PCDH15: variants seen among roughly 807,000 people sequenced by gnomAD.
PCDH15 encodes protocadherin related 15, also known as protocadherin-15.
PCDH15 carries 129 observed loss-of-function variants against 178.5 expected under a neutral mutation model. The observed-to-expected ratio is 0.72, with a 90% CI of 0.63 to 0.84. The LOEUF (loss-of-function observed/expected upper bound fraction) is 0.84, where lower values mean the gene tolerates loss of function less well. Ranked by LOEUF, PCDH15 falls within the 40% of genes least tolerant of loss-of-function variation. The pLI, the probability that PCDH15 is intolerant of heterozygous loss-of-function variation, is 0.00. For missense variants in PCDH15, 2,230 were observed against 2,099.9 expected, an observed-to-expected ratio of 1.06 and a Z score of -1.21; for synonymous variants, 800 against 732.0, an observed-to-expected ratio of 1.09 and a Z score of -1.50.
At chr10:55,122,547 T>G (rs80285712) in intron 2 of PCDH15, among the ~76,000 whole-genome samples, 1 of 152,122 alleles carries the variant, frequency 6.6e-6, no homozygotes, top group African/African-American at 2.4e-5. Context: ...GCATGTAAGA[T>G]AGAAATGAGA....
chr10:54,168,176 A>G lies in PCDH15; in HGVS notation c.1591-14883T>C, dbSNP rs566750510. The stretch of plus-strand genomic sequence containing the variant: ...CGACAGTAGTTCCAAATAGCCAGAA[A>G]ATGGCACTTTGAATTTTTCCATCCT... On this transcript the variant is annotated intron_variant, in intron 13 of 37. Transcript: ENST00000644397. 6.1e-3 allele frequency among the ~76,000 whole-genome samples: 921 copies of G among 152,148 alleles called. 5 individuals are homozygous for G. Among genetic ancestry groups the G allele is most frequent in the African/African-American group, 0.021 (852 of 41,514 alleles).
At chr10:55,122,284 C>T (rs1285419474) in intron 2 of PCDH15, among the ~76,000 whole-genome samples, 1 of 152,030 alleles carries the variant, frequency 6.6e-6, no homozygotes, top group Non-Finnish European at 1.5e-5. Context: ...AAAAGACTTT[C>T]CAGAAGTATG....
At chr10:54,982,959 G>A (rs1839277194) in intron 2 of PCDH15, among the ~76,000 whole-genome samples, 1 of 151,984 alleles carries the variant, frequency 6.6e-6, no homozygotes, top group East Asian at 1.9e-4. Flanking sequence ...AACAGCTTGA[G>A]TAATTTGACC....
intron 2 of PCDH15, among the ~76,000 whole-genome samples, chr10:55,432,117 C>CACACA (rs1565132647): frequency 2.9e-4 from 29 of 99,544 alleles, no homozygotes; most frequent in African/African-American, 7.6e-4. Flanking sequence ...ACACACACCA[C>CACACA]AAGTCTCTCC....
intron 8 of PCDH15, among the ~76,000 whole-genome samples, chr10:54,311,607 T>C (rs1378160498): frequency 6.6e-6 from 1 of 152,056 alleles, no homozygotes; most frequent in East Asian, 1.9e-4. Flanking sequence ...TCAACGTAGT[T>C]TGGCATACAT....
chr10:54,474,363 G>A (rs61324884), intron 3 of PCDH15, among the ~76,000 whole-genome samples: 20,117 of 151,896 alleles, frequency 0.13, 1,699 homozygotes, highest in Admixed American at 0.29. Context: ...AGTTATCCAG[G>A]TAGGAATTTC....
At chr10:54,216,524 AG>A (rs2052088073) in intron 9 of PCDH15, among the ~76,000 whole-genome samples, 1 of 152,190 alleles carries the variant, frequency 6.6e-6, no homozygotes, top group South Asian at 2.1e-4. Context: ...AAATGACTCT[AG>A]ATCATAAGCA....
chr10:53,955,764 A>G (rs980090475), intron 23 of PCDH15, among the ~76,000 whole-genome samples: 3 of 152,220 alleles, frequency 2.0e-5, no homozygotes, highest in African/African-American at 7.2e-5. Context: ...GACCATCCTA[A>G]TAATCAAAAA....
At chr10:54,537,500 T>C (rs942586622) in intron 2 of PCDH15, among the ~76,000 whole-genome samples, 2 of 152,154 alleles carry the variant, frequency 1.3e-5, no homozygotes, top group African/African-American at 4.8e-5. Flanking sequence ...ATATTCCTGA[T>C]GAACATAGAT....
chr10:54,272,518 G>A (rs201924322), intron 8 of PCDH15, among the ~76,000 whole-genome samples: 45 of 151,998 alleles, frequency 3.0e-4, no homozygotes, highest in African/African-American at 1.1e-3. Context: ...AGGAAGAGGG[G>A]TACTTTTTGT....
intron 1 of PCDH15, among the ~76,000 whole-genome samples, chr10:55,193,739 A>G (rs919336293): frequency 3.3e-5 from 5 of 151,938 alleles, no homozygotes; most frequent in Non-Finnish European, 7.4e-5. Context: ...TGTCTTAAAT[A>G]TTCATGATGA....
intron 2 of PCDH15, among the ~76,000 whole-genome samples, chr10:55,124,360 AATG>A (rs1374953679): frequency 1.2e-4 from 18 of 152,148 alleles, no homozygotes; most frequent in Admixed American, 1.1e-3. Flanking sequence ...ATAAAATTCT[AATG>A]ATCCATAAAG....
At chr10:54,963,575 A>G in intron 2 of PCDH15, among the ~76,000 whole-genome samples, 1 of 152,228 alleles carries the variant, frequency 6.6e-6, no homozygotes, top group East Asian at 1.9e-4. Flanking sequence ...GCAGCATAAT[A>G]CAAATGTAAA....
intron 1 of PCDH15, among the ~76,000 whole-genome samples, chr10:54,756,056 AAC>A (rs71014414): frequency 0.02 from 1,417 of 71,702 alleles, 22 homozygotes; most frequent in African/African-American, 0.051. Flanking sequence ...CTCTACTAAA[AAC>A]ACACACACAC....
Position 53,822,351 on chromosome 10 carries a change from G to C in PCDH15, c.4368-2121C>G, listed in dbSNP as rs374325488. The C allele has an allele frequency of 6.3e-7, 1 of 1,582,784 alleles. No homozygotes were observed. Among genetic ancestry groups the C allele is most frequent in the African/African-American group, 1.4e-5 (1 of 73,874 alleles). On this transcript the variant is annotated intron_variant, in intron 32 of 37. Transcript: ENST00000644397. ...AACGGAAAGTGGAAAAAATGTAGGA[G>C]GAGGAAGAGGAAGAGGGATAGAAGG...
intron 15 of PCDH15, among the ~76,000 whole-genome samples, chr10:54,131,704 A>G (rs1317570633): frequency 6.6e-6 from 1 of 152,220 alleles, no homozygotes; most frequent in Non-Finnish European, 1.5e-5. Context: ...AGAAAATTTC[A>G]GCAGCTATCA....
intron 13 of PCDH15, among the ~76,000 whole-genome samples, chr10:54,156,907 A>C (rs538635416): frequency 1.1e-4 from 16 of 152,350 alleles, no homozygotes; most frequent in Non-Finnish European, 2.1e-4. Flanking sequence ...CCAGTGGGGC[A>C]GTCAAATATT....
intron 2 of PCDH15, among the ~76,000 whole-genome samples, chr10:54,566,783 T>C (rs1189710140): frequency 6.6e-6 from 1 of 152,142 alleles, no homozygotes; most frequent in African/African-American, 2.4e-5. Flanking sequence ...TTTTGAAAAT[T>C]GTGAATAAAG....
chr10:54,120,871 A>G (rs1277850167), intron 15 of PCDH15, among the ~76,000 whole-genome samples: 1 of 152,122 alleles, frequency 6.6e-6, no homozygotes, highest in Non-Finnish European at 1.5e-5. Flanking sequence ...TGACAGCATT[A>G]AACAGATTGT....
Sources: gnomAD v4.1 joint callset for allele counts (sites outside exome capture counted in the v4.1 genomes callset) on GRCh38, gnomAD v4.1.1 for gene constraint, MANE v1.5 for transcripts, NCBI Gene and HGNC (gene_info 2026-07-23, HGNC 2026-07-21) for gene names.